The following STK32C variants were observed in gnomAD, a reference collection of about 807,000 sequenced individuals.
The protein encoded by STK32C is serine/threonine-protein kinase 32C.
Under a neutral mutation model 56.5 loss-of-function variants are expected in STK32C, and 31 were observed. The ratio of observed to expected loss-of-function variants is 0.55; its 90% CI spans 0.41 to 0.74. STK32C has a LOEUF of 0.74. Among genes scored for constraint, STK32C ranks in the 30% least tolerant of loss-of-function variants. The pLI, the probability that STK32C is intolerant of heterozygous loss-of-function variation, is 0.00. For synonymous variants in STK32C, 309 were observed against 289.4 expected, an observed-to-expected ratio of 1.07 and a Z score of -0.69; for missense variants, 544 against 676.9, an observed-to-expected ratio of 0.80 and a Z score of 2.18.
intron 1 of STK32C, among the ~76,000 whole-genome samples, chr10:132,317,528 C>T (rs1235104006): frequency 6.6e-6 from 1 of 152,192 alleles, no homozygotes; most frequent in Non-Finnish European, 1.5e-5. Context: ...ATTTCTTGAA[C>T]TCAAGCGTTC....
In STK32C at chr10:132,226,972, T is replaced by G; in HGVS notation, c.471-4A>C. On this transcript the variant is annotated splice_region_variant and splice_polypyrimidine_tract_variant and intron_variant, in intron 3 of 11. Transcript: ENST00000298630. Reference sequence around the variant, plus strand: ...CTCCTCGTCCTGGAAGGAGTACCTGTGGGCACCGATGGAAGGCCTGTTGTG... The same window carrying G: ...CTCCTCGTCCTGGAAGGAGTACCTGGGGGCACCGATGGAAGGCCTGTTGTG... The G allele has an allele frequency of 6.2e-7, 1 of 1,612,962 alleles. No individual in the cohort carries two copies. The highest frequency in any genetic ancestry group is 8.5e-7 in the Non-Finnish European group (1 of 1,179,902).
intron 1 of STK32C, among the ~76,000 whole-genome samples, chr10:132,247,655 T>A (rs12412676): frequency 0.25 from 38,400 of 151,946 alleles, 6,134 homozygotes; most frequent in East Asian, 0.5. Context: ...ACCCACAAGC[T>A]GGTCCTGGGT....
intron 1 of STK32C, chr10:132,331,369 C>G (rs1444373613): frequency 2.0e-6 from 3 of 1,506,662 alleles, no homozygotes; most frequent in Non-Finnish European, 2.7e-6. Context: ...ACGCGAGCAC[C>G]TCCCCTCCCG....
intron 1 of STK32C, among the ~76,000 whole-genome samples, chr10:132,282,431 G>A (rs1324953926): frequency 2.0e-5 from 3 of 147,836 alleles, no homozygotes; most frequent in Admixed American, 2.0e-4. Flanking sequence ...CTGTGCCTGC[G>A]CCCACCTGTA....
chr10:132,300,393 G>A (rs2065877372), intron 1 of STK32C, among the ~76,000 whole-genome samples: 1 of 152,214 alleles, frequency 6.6e-6, no homozygotes, highest in Non-Finnish European at 1.5e-5. Flanking sequence ...CTCCTCACAG[G>A]TGGAGAAGTG....
At position 132,233,788 on chromosome 10, in the gene STK32C, C is replaced by T. The variant is rs766345222; in HGVS notation, c.319-5660G>A. Among the ~76,000 whole-genome samples, 224 of 152,242 alleles carry T rather than the reference C, an allele frequency of 1.5e-3. 5 individuals are homozygous for T. The highest frequency in any genetic ancestry group is 6.5e-4 in the Admixed American group (10 of 15,292). On this transcript the variant is annotated intron_variant, in intron 2 of 11. Coordinates refer to ENST00000298630, the MANE Select transcript of STK32C (RefSeq NM_173575.4). ...CGGAGCTACCTCCCAGGCCCACACG[C>T]GCTCCCGCCTAAAGCCCTTGTTTAG... is the stretch of plus-strand genomic sequence containing the variant.
chr10:132,249,724 C>T (rs951637112), intron 1 of STK32C, among the ~76,000 whole-genome samples: 2 of 152,294 alleles, frequency 1.3e-5, no homozygotes, highest in African/African-American at 2.4e-5. Flanking sequence ...CATGCCCTCC[C>T]GACCCCAGCC....
At chr10:132,245,342 C>T (rs2063649593) in intron 2 of STK32C, among the ~76,000 whole-genome samples, 1 of 152,188 alleles carries the variant, frequency 6.6e-6, no homozygotes, top group Admixed American at 6.5e-5. Flanking sequence ...GCTCGTTAAG[C>T]CTCTTTGAGT....
chr10:132,311,865 A>G (rs898874426), upstream of STK32C, among the ~76,000 whole-genome samples: 3 of 152,232 alleles, frequency 2.0e-5, no homozygotes, highest in Non-Finnish European at 2.9e-5. This position sits in a 1 kb window ranked among gnomAD's most constrained non-coding sequence, Gnocchi z 4.4. Flanking sequence ...ATAAGGTCAC[A>G]TTCACAGGGC....
upstream of STK32C, among the ~76,000 whole-genome samples, chr10:132,310,627 T>G (rs2066201871): frequency 6.6e-6 from 1 of 152,210 alleles, no homozygotes; most frequent in African/African-American, 2.4e-5. The surrounding 1 kb of genome is among the most constrained non-coding windows in gnomAD (Gnocchi z 4.6). Flanking sequence ...TGAGTTCCCC[T>G]GTGTGCCCAT....
rs60802312 is a variant in STK32C at position 132,273,090 on chromosome 10, T to G, written c.263-27135A>C. ...GACTGCAATTGCCCACATCATTTTT[T>G]TCCTTGCTGCCCCCCTCAACAGTAT... On this transcript the variant is annotated intron_variant, in intron 1 of 11. Coordinates refer to ENST00000298630, the MANE Select transcript of STK32C (RefSeq NM_173575.4). 9.3e-3 allele frequency among the ~76,000 whole-genome samples: 1,415 copies of G among 152,344 alleles called. 25 individuals carry two copies. The highest frequency in any genetic ancestry group is 0.032 in the African/African-American group (1,321 of 41,580).
chr10:132,284,305 G>A (rs554488760), intron 1 of STK32C, among the ~76,000 whole-genome samples: 1 of 93,696 alleles, frequency 1.1e-5, no homozygotes, highest in South Asian at 4.7e-4. Flanking sequence ...GGGCAGGTGA[G>A]GTTGGGGGGG....
intron 1 of STK32C, among the ~76,000 whole-genome samples, chr10:132,266,188 T>C (rs953467697): frequency 2.6e-5 from 4 of 152,192 alleles, no homozygotes; most frequent in Non-Finnish European, 5.9e-5. Context: ...GCCACGTGGA[T>C]GAATCTCAAA....
At chr10:132,308,464 G>T (rs1435551768), upstream of STK32C, among the ~76,000 whole-genome samples, 4 of 152,096 alleles carry the variant, frequency 2.6e-5, no homozygotes, top group African/African-American at 9.7e-5. Flanking sequence ...CTTTGCGCAG[G>T]GTGAGGCCGG....
intron 1 of STK32C, among the ~76,000 whole-genome samples, chr10:132,324,625 TAA>T (rs1318358703): frequency 6.6e-6 from 1 of 152,198 alleles, no homozygotes; most frequent in South Asian, 2.1e-4. Flanking sequence ...TTTTACATTT[TAA>T]AAAAAGACTG....
At chr10:132,332,172 C>T (rs1375223846), upstream of STK32C, 10 of 160,800 alleles carry the variant, frequency 6.2e-5, no homozygotes. Context: ...CCATGGCGAC[C>T]GCGTTGGCTG....
chr10:132,229,061 G>T (rs2063001715), intron 2 of STK32C, among the ~76,000 whole-genome samples: 1 of 152,090 alleles, frequency 6.6e-6, no homozygotes, highest in Non-Finnish European at 1.5e-5. Context: ...CAATGAGCAG[G>T]GGGGTCCCTT....
At chr10:132,221,446 A>G (rs201259512) in intron 10 of STK32C, among the ~76,000 whole-genome samples, 56 of 121,538 alleles carry the variant, frequency 4.6e-4, no homozygotes, top group East Asian at 2.1e-3. Flanking sequence ...CCATCCCTGC[A>G]CACACTCACA....
At chr10:132,225,079 C>T (rs892398584) in intron 7 of STK32C, among the ~76,000 whole-genome samples, 154 bp downstream of exon 7, 1 of 152,210 alleles carries the variant, frequency 6.6e-6, no homozygotes, top group African/African-American at 2.4e-5. Context: ...ATTCCATCAC[C>T]AACTACACAC....
Sources: allele counts gnomAD v4.1 joint callset (sites outside exome capture counted in the v4.1 genomes callset), GRCh38; gene constraint gnomAD v4.1.1; non-coding constraint Gnocchi (gnomAD v3.1); transcripts MANE v1.5; gene names NCBI Gene and HGNC (gene_info 2026-07-23, HGNC 2026-07-21).